VRK2: variants seen among roughly 807,000 people sequenced by gnomAD.
The protein encoded by VRK2 is serine/threonine-protein kinase VRK2.
A neutral mutation model predicts 57.6 loss-of-function variants in VRK2; 60 were observed. The observed-to-expected ratio is 1.04, with a 90% CI of 0.85 to 1.29. The LOEUF is 1.29. Ranked by LOEUF, VRK2 falls within the 50% of genes most tolerant of loss-of-function variation. The probability of loss-of-function intolerance (pLI) is 0.00; values close to 1 mark genes in which losing one functional copy is unlikely to be tolerated. For synonymous variants in VRK2, 231 were observed against 199.2 expected, an observed-to-expected ratio of 1.16 and a Z score of -1.35; for missense variants, 705 against 588.1, an observed-to-expected ratio of 1.20 and a Z score of -2.06.
upstream of VRK2, among the ~76,000 whole-genome samples, chr2:58,041,911 C>T (rs933055299): frequency 2.0e-5 from 3 of 152,130 alleles, no homozygotes; most frequent in African/African-American, 7.2e-5. Context: ...GGAACTCCCC[C>T]CTCCTACCCC....
chr2:57,920,946 A>G (rs919151306), intron 1 of VRK2, among the ~76,000 whole-genome samples: 4 of 152,078 alleles, frequency 2.6e-5, no homozygotes, highest in African/African-American at 9.7e-5. Flanking sequence ...AGAAGATTCT[A>G]GATGTTATTT....
intron 2 of VRK2, among the ~76,000 whole-genome samples, chr2:58,066,425 A>G (rs555457773): frequency 2.0e-5 from 3 of 152,184 alleles, no homozygotes; most frequent in African/African-American, 7.2e-5. Context: ...AATTAATTTG[A>G]TTATGGTGTA....
intron 1 of VRK2, among the ~76,000 whole-genome samples, chr2:57,950,778 C>T (rs1282524316): frequency 6.6e-6 from 1 of 152,138 alleles, no homozygotes; most frequent in Non-Finnish European, 1.5e-5. Flanking sequence ...AAAGGATCAA[C>T]CATTCTAGAC....
intron 7 of VRK2, among the ~76,000 whole-genome samples, chr2:58,119,223 C>T (rs568852867): frequency 3.3e-5 from 5 of 151,836 alleles, no homozygotes; most frequent in South Asian, 4.2e-4. Context: ...TCTGGCTGGG[C>T]GCAGTGGCTC....
chr2:58,068,573 A>G (rs1214874726), intron 2 of VRK2, among the ~76,000 whole-genome samples: 1 of 152,030 alleles, frequency 6.6e-6, no homozygotes, highest in Non-Finnish European at 1.5e-5. Flanking sequence ...TGTATATAAA[A>G]CTTGGAACAT....
intron 1 of VRK2, among the ~76,000 whole-genome samples, chr2:57,932,281 T>C (rs1670753968): frequency 1.3e-5 from 2 of 152,168 alleles, no homozygotes; most frequent in Admixed American, 6.5e-5. Context: ...CTGGTATTTC[T>C]CTTTAGATGT....
At chr2:57,925,678 TCA>T (rs1379325610) in intron 1 of VRK2, among the ~76,000 whole-genome samples, 2 of 151,938 alleles carry the variant, frequency 1.3e-5, no homozygotes, top group Non-Finnish European at 2.9e-5. Context: ...TTTTTTCATT[TCA>T]GTTTCATTTA....
intron 1 of VRK2, among the ~76,000 whole-genome samples, chr2:58,011,294 C>T (rs957101702): frequency 6.6e-6 from 1 of 152,220 alleles, no homozygotes; most frequent in Non-Finnish European, 1.5e-5. Flanking sequence ...ACAGGCCCTG[C>T]TCTACATATA....
At chr2:58,119,149 A>G (rs1460382651) in intron 7 of VRK2, among the ~76,000 whole-genome samples, 1 of 152,154 alleles carries the variant, frequency 6.6e-6, no homozygotes, top group African/African-American at 2.4e-5. Context: ...GAGCAGAAGT[A>G]CAGAGAGAGA....
At chr2:58,114,644 C>G (rs911920675) in intron 7 of VRK2, among the ~76,000 whole-genome samples, 1 of 151,792 alleles carries the variant, frequency 6.6e-6, no homozygotes, top group Non-Finnish European at 1.5e-5. Flanking sequence ...ACCTTTAGTC[C>G]GTTCTACTTT....
intron 1 of VRK2, among the ~76,000 whole-genome samples, chr2:57,989,418 T>G (rs889565987): frequency 6.6e-6 from 1 of 152,206 alleles, no homozygotes; most frequent in East Asian, 1.9e-4. Flanking sequence ...AAAAAGTGAG[T>G]TGGAACATTA....
chr2:57,968,245 G>A (rs1671981863), intron 1 of VRK2, among the ~76,000 whole-genome samples: 1 of 151,788 alleles, frequency 6.6e-6, no homozygotes, highest in Admixed American at 6.6e-5. Context: ...TGTAAATCAC[G>A]AAAGAAAGAA....
chr2:57,974,101 T>C (rs1163544755), intron 1 of VRK2, among the ~76,000 whole-genome samples: 10 of 151,848 alleles, frequency 6.6e-5, no homozygotes, highest in Admixed American at 6.6e-4. Context: ...GATTAAAGAA[T>C]GCTGGGAAAG....
chr2:58,032,047 T>C (rs1674126784), intron 2 of VRK2, among the ~76,000 whole-genome samples: 1 of 152,102 alleles, frequency 6.6e-6, no homozygotes, highest in Admixed American at 6.6e-5. Context: ...TCACTCACTC[T>C]TAGAAAACTC....
chr2:58,108,405 T>C (rs928169355), intron 7 of VRK2, among the ~76,000 whole-genome samples: 2 of 152,184 alleles, frequency 1.3e-5, no homozygotes, highest in African/African-American at 4.8e-5. Context: ...TATTATTCTT[T>C]GCCAGAAAAA....
intron 3 of VRK2, 39 bp from the exon 4 acceptor site, chr2:58,084,841 TA>T (rs756770626): frequency 1.2e-5 from 16 of 1,303,542 alleles, no homozygotes; most frequent in South Asian, 7.9e-5. Context: ...TCTTTGGGAT[TA>T]TTTTTTTCTA....
At chr2:58,110,205 T>C (rs1027023164) in intron 7 of VRK2, among the ~76,000 whole-genome samples, 1 of 152,204 alleles carries the variant, frequency 6.6e-6, no homozygotes, top group Non-Finnish European at 1.5e-5. Context: ...TTCCATTCTT[T>C]AATCAAGGCT....
At chr2:58,018,365 T>A (rs1673649736) in intron 1 of VRK2, among the ~76,000 whole-genome samples, 2 of 152,232 alleles carry the variant, frequency 1.3e-5, no homozygotes, top group South Asian at 2.1e-4. Flanking sequence ...GAGCAATTTT[T>A]AAATTTGGTT....
chr2:58,023,298 G>T (rs74563533), intron 1 of VRK2, among the ~76,000 whole-genome samples: 1 of 152,056 alleles, frequency 6.6e-6, no homozygotes, highest in South Asian at 2.1e-4. Context: ...GTTGTAGTAC[G>T]TATCAGAATT....
Sources: allele counts gnomAD v4.1 joint callset (sites outside exome capture counted in the v4.1 genomes callset), GRCh38; gene constraint gnomAD v4.1.1; transcripts MANE v1.5; gene names NCBI Gene and HGNC (gene_info 2026-07-23, HGNC 2026-07-21).